The following CSMD2 variants were observed in gnomAD, a reference collection of about 807,000 sequenced individuals.
CSMD2 encodes CUB and sushi domain-containing protein 2.
Under a neutral mutation model 398.5 loss-of-function variants are expected in CSMD2, and 130 were observed. The ratio of observed to expected loss-of-function variants is 0.33; its 90% confidence interval spans 0.28 to 0.38. CSMD2 has a LOEUF of 0.38. Ranked by LOEUF, CSMD2 falls within the 10% of genes least tolerant of loss-of-function variation. The pLI, the probability that CSMD2 is intolerant of heterozygous loss-of-function variation, is 1.00. For missense variants in CSMD2, 3,829 were observed against 4,764.9 expected (o/e 0.80, Z 5.78); for synonymous variants, 1,828 against 1,908.5 (o/e 0.96, Z 1.10).
Position 34,092,700 on chromosome 1 carries a change from C to T in CSMD2, c.188-3507G>A, listed in dbSNP as rs532257461. ...CCACCCGAATACTGCGCTTTTCCGA[C>T]GGGCTTAAAAAACGGCGCACCACGA... On this transcript the variant is annotated intron_variant, in intron 1 of 70. Transcript: ENST00000373381. Among the ~76,000 whole-genome samples the T allele has an allele frequency of 5.0e-4, 76 of 152,302 alleles. No individual in the cohort carries two copies. The South Asian group carries it at 6.6e-3, about 13-fold the overall frequency.
At chr1:33,703,275 C>T (rs543834000) in intron 22 of CSMD2, among the ~76,000 whole-genome samples, 3 of 152,190 alleles carry the variant, frequency 2.0e-5, no homozygotes, top group East Asian at 1.9e-4. Flanking sequence ...AATGTATAGA[C>T]GGATTTGAGA....
intron 10 of CSMD2, among the ~76,000 whole-genome samples, chr1:33,807,885 A>C (rs1656405590): frequency 6.6e-6 from 1 of 152,158 alleles, no homozygotes; most frequent in African/African-American, 2.4e-5. Flanking sequence ...TACACAAAAC[A>C]CATATAAAGC....
chr1:33,612,966 A>T (rs932495720), intron 40 of CSMD2, among the ~76,000 whole-genome samples: 3 of 152,208 alleles, frequency 2.0e-5, no homozygotes, highest in Non-Finnish European at 2.9e-5. Flanking sequence ...GTCCCCTCAT[A>T]TAGGAGCCCT....
intron 15 of CSMD2, among the ~76,000 whole-genome samples, chr1:33,731,844 A>G (rs1266807319): frequency 1.3e-5 from 2 of 152,324 alleles, no homozygotes; most frequent in African/African-American, 4.8e-5. Flanking sequence ...AGCTAGTTTT[A>G]TCTGTTGGAG....
chr1:33,521,091 G>A (rs763421070), intron 68 of CSMD2, among the ~76,000 whole-genome samples: 8 of 152,212 alleles, frequency 5.3e-5, no homozygotes, highest in Non-Finnish European at 7.3e-5. Context: ...TCACAGTCAA[G>A]GCACCCTGAG....
Position 33,810,842 on chromosome 1 carries a change from A to C in CSMD2, c.1347T>G (p.Leu449=). Residue 449 remains leucine (L), a synonymous_variant, in exon 10 of 71, where the codon CTT becomes CTG. Transcript: ENST00000373381. ...AGGTGATGATGCCCGAGGGGCCTCG[A>C]AGGTGGGCATCACACATGCGGGCTG... The part of the protein sequence containing the change: ...VCRARMCDAH[L]RGPSGIITSP... 6.2e-7 allele frequency: 1 copy of C among 1,612,720 alleles called. No homozygotes were observed. Among genetic ancestry groups the C allele is most frequent in the Non-Finnish European group, 8.5e-7 (1 of 1,179,454 alleles).
chr1:33,907,089 G>C (rs1158608402), intron 5 of CSMD2, among the ~76,000 whole-genome samples: 1 of 151,806 alleles, frequency 6.6e-6, no homozygotes, highest in African/African-American at 2.4e-5. Flanking sequence ...ATGGGGTAGG[G>C]GTGGGGTTGG....
At chr1:33,527,403 A>G in intron 64 of CSMD2, 145 bp from the exon 65 acceptor site, 2 of 622,134 alleles carry the variant, frequency 3.2e-6, no homozygotes, top group South Asian at 2.1e-5. Flanking sequence ...CAGGAGGTAG[A>G]CTGCTTTGAT....
At chr1:33,666,056 A>G (rs1297162609) in intron 25 of CSMD2, among the ~76,000 whole-genome samples, 1 of 152,022 alleles carries the variant, frequency 6.6e-6, no homozygotes, top group African/African-American at 2.4e-5. Context: ...ATATCCCCTT[A>G]GTTGCGGGCT....
In CSMD2 at chr1:33,518,431, G is replaced by A. The variant is rs1382467885; in HGVS notation, c.*53+1034C>T. Reference sequence around the variant, plus strand: ...TGCATGACCGTGTACACGTGTGGGTGTGTCTGCCCCCTGTCTATATTTCCG... The same window carrying A: ...TGCATGACCGTGTACACGTGTGGGTATGTCTGCCCCCTGTCTATATTTCCG... On this transcript the variant is annotated intron_variant, in intron 70 of 70. Transcript: ENST00000373381. The surrounding 1 kb of genome is among the most constrained non-coding windows in gnomAD (Gnocchi z 4.3). Among the ~76,000 whole-genome samples, 1 of 152,142 alleles carries A rather than the reference G, an allele frequency of 6.6e-6. No homozygotes were observed. Among genetic ancestry groups the A allele is most frequent in the Non-Finnish European group, 1.5e-5 (1 of 68,026 alleles).
intron 44 of CSMD2, among the ~76,000 whole-genome samples, chr1:33,589,982 C>A (rs1639319902): frequency 6.6e-6 from 1 of 151,926 alleles, no homozygotes; most frequent in African/African-American, 2.4e-5. Context: ...CAGTGTCATA[C>A]TTATCTTCAA....
In CSMD2 at chr1:33,527,261, G is replaced by T; in HGVS notation, c.10172-3C>A. 7 of 1,610,818 alleles carry T rather than the reference G, an allele frequency of 4.3e-6. No individual in the cohort carries two copies. The highest frequency in any genetic ancestry group is 5.9e-6 in the Non-Finnish European group (7 of 1,178,472). On this transcript the variant is annotated splice_polypyrimidine_tract_variant and splice_region_variant and intron_variant, in intron 64 of 70. Coordinates refer to ENST00000373381, the MANE Select transcript of CSMD2 (RefSeq NM_001281956.2). ...GGGTCTCCCACTGGGCCGGACCTCT[G>T]CTGGGGAAAAAGAGTGGAAGAAAAC...
At chr1:34,165,704 A>G (rs754667517), upstream of CSMD2, 42 of 1,591,764 alleles carry the variant, frequency 2.6e-5, no homozygotes, top group Non-Finnish European at 3.4e-5. Context: ...GTCTGGGAAA[A>G]GGTAACCAAA....
chr1:33,581,069 C>T lies in CSMD2; in HGVS notation c.7241-170G>A, dbSNP rs186740193. Among the ~76,000 whole-genome samples, 13 of 152,206 alleles carry T rather than the reference C, an allele frequency of 8.5e-5. No homozygotes were observed. The East Asian group carries it at 2.5e-3, about 29-fold the overall frequency. On this transcript the variant is annotated intron_variant, in intron 47 of 70. Coordinates refer to ENST00000373381, the MANE Select transcript of CSMD2 (RefSeq NM_001281956.2). ...GGCATTGCTCAAGGTGCTCTTTTCT[C>T]CTAAGCCCAGCTCTAAAGCAGTGCT... is the stretch of plus-strand genomic sequence containing the variant.
At chr1:34,083,872 T>C (rs1373015175) in intron 2 of CSMD2, among the ~76,000 whole-genome samples, 1 of 152,026 alleles carries the variant, frequency 6.6e-6, no homozygotes, top group Non-Finnish European at 1.5e-5. Flanking sequence ...TGAGCTGAGA[T>C]TGCACCACTG....
At chr1:33,628,267 G>A (rs898128838) in intron 32 of CSMD2, among the ~76,000 whole-genome samples, 1 of 151,596 alleles carries the variant, frequency 6.6e-6, no homozygotes, top group Admixed American at 6.6e-5. Context: ...AGGATAAAGA[G>A]ATTAAAATAA....
intron 2 of CSMD2, among the ~76,000 whole-genome samples, chr1:34,081,401 C>G (rs1657095609): frequency 1.3e-5 from 2 of 151,900 alleles, no homozygotes; most frequent in South Asian, 4.2e-4. Context: ...CGTCCCTCTC[C>G]TTCCCCCTCC....
chr1:34,102,962 A>G (rs1660130094), intron 1 of CSMD2, among the ~76,000 whole-genome samples: 1 of 152,136 alleles, frequency 6.6e-6, no homozygotes, highest in African/African-American at 2.4e-5. Context: ...AGAGTGGGGC[A>G]CCATTTTTTT....
intron 1 of CSMD2, among the ~76,000 whole-genome samples, chr1:34,119,057 T>C (rs1472153411): frequency 1.3e-5 from 2 of 152,076 alleles, no homozygotes; most frequent in Admixed American, 6.5e-5. Flanking sequence ...ATCAAAACAG[T>C]ATAGCATTGG....
Sources: allele counts gnomAD v4.1 joint callset (sites outside exome capture counted in the v4.1 genomes callset), GRCh38; gene constraint gnomAD v4.1.1; non-coding constraint Gnocchi (gnomAD v3.1); transcripts MANE v1.5; gene names NCBI Gene and HGNC (gene_info 2026-07-23, HGNC 2026-07-21).